TEX22: variants seen among roughly 807,000 people sequenced by gnomAD.
TEX22 encodes the protein testis-expressed protein 22.
Under a neutral mutation model 11.3 loss-of-function variants are expected in TEX22, and 16 were observed. The ratio of observed to expected loss-of-function variants is 1.42; its 90% CI spans 0.96 to 2.15. The LOEUF is 2.15. Ranked by LOEUF, TEX22 falls within the 30% of genes most tolerant of loss-of-function variation. The pLI is 0.00. For synonymous variants in TEX22, 97 were observed against 92.3 expected, an observed-to-expected ratio of 1.05 and a Z score of -0.29; for missense variants, 220 against 208.6, an observed-to-expected ratio of 1.05 and a Z score of -0.34.
intron 2 of TEX22, among the ~76,000 whole-genome samples, chr14:105,400,053 A>G (rs1555418208): frequency 6.6e-6 from 1 of 152,122 alleles, no homozygotes; most frequent in Non-Finnish European, 1.5e-5. Flanking sequence ...CAGCCTTAGG[A>G]CGTTCTCTGA....
chr14:105,399,466 G>A lies in TEX22; in HGVS notation c.126G>A (p.Gln42=). 6.5e-7 allele frequency: 1 copy of A among 1,535,260 alleles called. No homozygotes were observed. ...WGQPSIQSSV[Q]QGLQTQDWVC... ...AGCCCAGTATCCAGAGCAGCGTTCA[G>A]CAGGGACTGCAGACTCAGGACTGGG... is the stretch of plus-strand genomic sequence containing the variant. The change falls in exon 2 of 4, where the codon CAG becomes CAA. Residue 42 remains glutamine, a synonymous_variant. Coordinates refer to ENST00000451127, the MANE Select transcript of TEX22 (RefSeq NM_001195082.2).
chr14:105,402,506 G>A (rs756133751), intron 2 of TEX22, among the ~76,000 whole-genome samples: 1 of 152,048 alleles, frequency 6.6e-6, no homozygotes, highest in South Asian at 2.1e-4. Flanking sequence ...TGTAATCCCA[G>A]CACTTTGGGA....
intron 2 of TEX22, 66 bp from the exon 3 acceptor site, chr14:105,411,302 C>G: frequency 2.4e-6 from 3 of 1,239,944 alleles, no homozygotes; most frequent in Non-Finnish European, 3.0e-6. Context: ...TCGGCGGGTG[C>G]TGGGTGGGAG....
chr14:105,400,281 C>A (rs1555418227), intron 2 of TEX22, among the ~76,000 whole-genome samples: 4 of 152,234 alleles, frequency 2.6e-5, no homozygotes, highest in Non-Finnish European at 5.9e-5. Context: ...GGGCTGCCCG[C>A]TGAGGCCCCT....
In TEX22 at chr14:105,411,702, G is replaced by A; in HGVS notation, c.322G>A (p.Asp108Asn). 6.5e-7 allele frequency: 1 copy of A among 1,532,000 alleles called. No individual in the cohort carries two copies. Among genetic ancestry groups the A allele is most frequent in the Non-Finnish European group, 8.7e-7 (1 of 1,144,814 alleles). The allele number at this position is 1,532,000 out of a possible 1,614,324, so 94.9% of individuals were successfully genotyped here. ...AGCCCAGCTGGTGTCGGAGGACGTG[G>A]ACAAGGACGTGCTCCTTCCCCACCC... ...MVAQLVSEDV[D>N]KDVLLPHPLR... The change falls in exon 4 of 4, where the codon GAC (aspartate) becomes AAC (asparagine). Residue 108 changes from aspartate (D) to asparagine (N), a missense_variant. Physicochemically the swap from Asp to Asn is conservative, Grantham distance 23. Coordinates refer to ENST00000451127, the MANE Select transcript of TEX22 (RefSeq NM_001195082.2).
intron 2 of TEX22, among the ~76,000 whole-genome samples, chr14:105,404,434 C>T (rs1340417375): frequency 2.6e-5 from 4 of 152,180 alleles, no homozygotes; most frequent in Non-Finnish European, 4.4e-5. Context: ...TGAGAGGGGA[C>T]GACACAGGGG....
intron 2 of TEX22, among the ~76,000 whole-genome samples, chr14:105,405,406 C>T (rs1269569274): frequency 1.3e-5 from 2 of 152,118 alleles, no homozygotes; most frequent in African/African-American, 2.4e-5. Context: ...ATCGCCGGTA[C>T]GTCATTTAAT....
Position 105,402,742 on chromosome 14 carries a change from C to T in TEX22, c.150+3252C>T, listed in dbSNP as rs373466258. Among the ~76,000 whole-genome samples the T allele has an allele frequency of 1.7e-3, 236 of 137,892 alleles. 2 individuals carry two copies. In the East Asian group the frequency reaches 0.024, roughly 14 times the overall value. The allele number at this position is 137,892 out of a possible 152,430, so 90.5% of individuals were successfully genotyped here. A position where few individuals can be genotyped will look rare whatever the true frequency, so the allele number is the denominator to read the frequency against. ...CTGCACTCCAGCCTGGGCGACAGAG[C>T]GAGACTCCGTCTCAAAAAAAAAAAA... On this transcript the variant is annotated intron_variant, in intron 2 of 3. Coordinates refer to ENST00000451127, the MANE Select transcript of TEX22 (RefSeq NM_001195082.2).
At chr14:105,403,851 A>G (rs927041997) in intron 2 of TEX22, among the ~76,000 whole-genome samples, 18 of 152,180 alleles carry the variant, frequency 1.2e-4, no homozygotes, top group Non-Finnish European at 2.4e-4. Context: ...TTACTAGTTT[A>G]CTTTTTAAAA....
chr14:105,402,233 C>G (rs1555418422), intron 2 of TEX22, among the ~76,000 whole-genome samples: 2 of 152,022 alleles, frequency 1.3e-5, no homozygotes, highest in African/African-American at 4.8e-5. Flanking sequence ...TATAGTAAAT[C>G]AAGAAAATGA....
Position 105,411,847 on chromosome 14 carries a change from C to A in TEX22, c.*14C>A. 7.2e-7 allele frequency: 1 copy of A among 1,391,342 alleles called. No individual in the cohort carries two copies. The highest frequency in any genetic ancestry group is 9.4e-7 in the Non-Finnish European group (1 of 1,068,324). The allele number at this position is 1,391,342 out of a possible 1,614,324, so 86.2% of individuals were successfully genotyped here. ...CCCCCTTCCTAAGAGCCCCATTCAG[C>A]CCATTGTCTGTCTTCCAGTGCCTTT... On this transcript the variant is annotated 3_prime_UTR_variant, in exon 4 of 4. Coordinates refer to ENST00000451127, the MANE Select transcript of TEX22 (RefSeq NM_001195082.2).
intron 2 of TEX22, among the ~76,000 whole-genome samples, chr14:105,404,051 G>A (rs959763057): frequency 6.6e-6 from 1 of 152,188 alleles, no homozygotes; most frequent in Non-Finnish European, 1.5e-5. Context: ...CTTAGTTTCC[G>A]TAGGTCAGAA....
intron 2 of TEX22, among the ~76,000 whole-genome samples, chr14:105,409,616 G>A (rs142157661): frequency 5.9e-4 from 89 of 150,632 alleles, no homozygotes; most frequent in African/African-American, 1.8e-3. Flanking sequence ...GGGATGGAGC[G>A]ATCCTCCCTC....
At position 105,412,463 on chromosome 14, in the gene TEX22, G is replaced by A. The variant is rs782752377; in HGVS notation, c.*630G>A. On this transcript the variant is annotated 3_prime_UTR_variant, in exon 4 of 4. Coordinates refer to ENST00000451127, the MANE Select transcript of TEX22 (RefSeq NM_001195082.2). This position sits in a 1 kb window ranked among gnomAD's most constrained non-coding sequence, Gnocchi z 5.8. ...GGACAGCGATGCTGGTGGTGGACGAGGGCCAAGAGGGTATCCTGCGCAGGG... is the reference window on the plus strand; with the variant it reads ...GGACAGCGATGCTGGTGGTGGACGAAGGCCAAGAGGGTATCCTGCGCAGGG... 1.3e-5 allele frequency: 2 copies of A among 152,354 alleles called. No individual in the cohort carries two copies. The highest frequency in any genetic ancestry group is 2.9e-5 in the Non-Finnish European group (2 of 68,200). The allele number at this position is 152,354 out of a possible 1,614,324, so 9.4% of individuals were successfully genotyped here.
In TEX22 at chr14:105,411,393, G is replaced by A. The variant is rs2081689533; in HGVS notation, c.176G>A (p.Arg59His). The stretch of plus-strand genomic sequence containing the variant: ...GTGTGCGAGCCGCCGGAACGCAGGC[G>A]CCCGGGCCGCCGCTGGAGCGTCAGC... ...DWVCEPPERR[R>H]PGRRWSVSID... is the part of the protein sequence containing the mutation. Residue 59 changes from arginine (R) to histidine (H), a missense_variant, in exon 3 of 4, where the codon CGC becomes CAC. Transcript: ENST00000451127. 3 of 1,321,086 alleles carry A rather than the reference G, an allele frequency of 2.3e-6. No homozygotes were observed. Among genetic ancestry groups the A allele is most frequent in the East Asian group, 6.4e-5 (2 of 31,170 alleles). The allele number at this position is 1,321,086 out of a possible 1,614,324, so 81.8% of individuals were successfully genotyped here.
Position 105,413,085 on chromosome 14 carries a change from G to A in TEX22, c.*1252G>A, listed in dbSNP as rs2081704717. The A allele has an allele frequency of 6.6e-6, 1 of 152,414 alleles. No individual in the cohort carries two copies. The highest frequency in any genetic ancestry group is 1.5e-5 in the Non-Finnish European group (1 of 68,232). 9.4% of individuals were successfully genotyped at this position (152,414 alleles called of 1,614,324 possible). On this transcript the variant is annotated 3_prime_UTR_variant, in exon 4 of 4. Coordinates refer to ENST00000451127, the MANE Select transcript of TEX22 (RefSeq NM_001195082.2). This position sits in a 1 kb window ranked among gnomAD's most constrained non-coding sequence, Gnocchi z 4.2. ...AAGCCTTCCAAGATTACACAGCCAG[G>A]TGCTCCCCTTCTCTCCCAAGTCCTC...
chr14:105,408,000 T>G (rs7492379), intron 2 of TEX22, among the ~76,000 whole-genome samples: 150,806 of 152,246 alleles, frequency 0.99, 74,705 homozygotes, highest in Middle Eastern at 1. Context: ...CATGTTGAGC[T>G]TGTTTGGGAA....
At chr14:105,405,654 C>T (rs1555418836) in intron 2 of TEX22, among the ~76,000 whole-genome samples, 2 of 152,182 alleles carry the variant, frequency 1.3e-5, no homozygotes, top group East Asian at 1.9e-4. Flanking sequence ...ACGCCTGTTG[C>T]GTGCAGCCGT....
In TEX22 at chr14:105,411,923, C is replaced by T; in HGVS notation, c.*90C>T. ...CCTCTGCGCCTTCTTTGTGCCCCAC[C>T]AGGGGGTCACCACCCACCCATGTTA... is the stretch of plus-strand genomic sequence containing the variant. On this transcript the variant is annotated 3_prime_UTR_variant, in exon 4 of 4. Transcript: ENST00000451127. The T allele has an allele frequency of 7.9e-7, 1 of 1,267,760 alleles. No homozygotes were observed. The highest frequency in any genetic ancestry group is 1.6e-5 in the African/African-American group (1 of 63,546). The allele number at this position is 1,267,760 out of a possible 1,614,324, so 78.5% of individuals were successfully genotyped here.
Sources: gnomAD v4.1 joint callset for allele counts (sites outside exome capture counted in the v4.1 genomes callset) on GRCh38, gnomAD v4.1.1 for gene constraint, Gnocchi (gnomAD v3.1) non-coding constraint, MANE v1.5 for transcripts, NCBI Gene and HGNC (gene_info 2026-07-23, HGNC 2026-07-21) for gene names.